Variants in COL21A1 observed in about 807,000 individuals in gnomAD.
COL21A1 encodes collagen type XXI alpha 1 chain.
A neutral mutation model predicts 137.9 loss-of-function variants in COL21A1; 149 were observed. That is an observed-to-expected ratio of 1.08 (90% CI 0.95 to 1.24). The LOEUF is 1.24. Among genes scored for constraint, COL21A1 ranks in the 50% most tolerant of loss-of-function variants. The pLI is 0.00. For missense variants in COL21A1, 1,167 were observed against 1,158.4 expected (o/e 1.01, Z -0.11); for synonymous variants, 456 against 391.5 (o/e 1.16, Z -1.95).
At chr6:56,229,374 A>T (rs908888332) in intron 1 of COL21A1, among the ~76,000 whole-genome samples, 1 of 151,998 alleles carries the variant, frequency 6.6e-6, no homozygotes, top group African/African-American at 2.4e-5. Flanking sequence ...TCTCAAAAAC[A>T]ACAGAATATG....
rs554083234 is a variant in COL21A1 at position 56,157,018 on chromosome 6, A to C, written c.1372-69T>G. ...CACATTGGTGCAGTCAGGATCAATA[A>C]AAGTTCAAAACCAATTCCATTATTT... On this transcript the variant is annotated intron_variant, in intron 9 of 29. Transcript: ENST00000244728. 3 of 1,077,164 alleles carry C rather than the reference A, an allele frequency of 2.8e-6. No homozygotes were observed. The African/African-American group carries it at 4.7e-5, about 17-fold the overall frequency. 66.7% of individuals were successfully genotyped at this position (1,077,164 alleles called of 1,614,324 possible).
chr6:56,232,046 ATGT>A (rs1312722580), intron 1 of COL21A1, among the ~76,000 whole-genome samples: 1 of 151,904 alleles, frequency 6.6e-6, no homozygotes, highest in Non-Finnish European at 1.5e-5. Flanking sequence ...CTACAGTCAA[ATGT>A]TGACTATCTG....
intron 1 of COL21A1, among the ~76,000 whole-genome samples, chr6:56,316,388 G>A (rs1764735175): frequency 6.7e-6 from 1 of 149,120 alleles, no homozygotes; most frequent in Admixed American, 6.7e-5. Flanking sequence ...GCATATCCTT[G>A]AACTGCCATG....
intron 1 of COL21A1, among the ~76,000 whole-genome samples, chr6:56,295,433 T>C (rs1764142462): frequency 6.6e-6 from 1 of 152,042 alleles, no homozygotes; most frequent in African/African-American, 2.4e-5. Flanking sequence ...CTGGGTCTTT[T>C]GACTTTTCAA....
chr6:56,098,012 AAT>A (rs1373833055), intron 17 of COL21A1, among the ~76,000 whole-genome samples: 2 of 34,896 alleles, frequency 5.7e-5, no homozygotes, highest in Non-Finnish European at 9.3e-5. Context: ...TAAATATATA[AAT>A]ATATATAAAT....
chr6:56,130,453 G>C (rs1773468357), intron 12 of COL21A1, among the ~76,000 whole-genome samples: 1 of 151,730 alleles, frequency 6.6e-6, no homozygotes, highest in South Asian at 2.1e-4. Flanking sequence ...ATGGAATTTA[G>C]CTGGGTAATG....
chr6:56,241,101 A>G (rs1168315456), intron 1 of COL21A1, among the ~76,000 whole-genome samples: 2 of 152,154 alleles, frequency 1.3e-5, no homozygotes, highest in African/African-American at 4.8e-5. Flanking sequence ...TGTTGCTATG[A>G]ACTGAAAGCT....
chr6:56,169,171 T>C (rs1776832329), intron 5 of COL21A1, among the ~76,000 whole-genome samples: 1 of 151,982 alleles, frequency 6.6e-6, no homozygotes, highest in Non-Finnish European at 1.5e-5. Context: ...TACCATAATT[T>C]AGGCTCATGG....
chr6:56,304,991 C>T (rs940378263), intron 1 of COL21A1, among the ~76,000 whole-genome samples: 28 of 152,192 alleles, frequency 1.8e-4, no homozygotes, highest in Non-Finnish European at 3.8e-4. Flanking sequence ...TCGTTATGTA[C>T]CCAGTAGTCA....
chr6:56,122,363 C>G (rs1412850165), intron 16 of COL21A1, among the ~76,000 whole-genome samples: 1 of 150,688 alleles, frequency 6.6e-6, no homozygotes. Flanking sequence ...CCCAGGCTGG[C>G]GTGCAGTGGC....
intron 1 of COL21A1, among the ~76,000 whole-genome samples, chr6:56,320,717 C>T (rs972303835): frequency 2.0e-5 from 3 of 152,154 alleles, no homozygotes; most frequent in Non-Finnish European, 4.4e-5. Context: ...TGTACCTTCA[C>T]ATCTTTCAGA....
At chr6:56,340,265 G>A (rs1043389072) in intron 1 of COL21A1, among the ~76,000 whole-genome samples, 1 of 152,100 alleles carries the variant, frequency 6.6e-6, no homozygotes, top group African/African-American at 2.4e-5. Context: ...ACAAGGCTGT[G>A]GTCTTTCTCC....
chr6:56,355,078 G>A (rs1041756155), intron 1 of COL21A1, among the ~76,000 whole-genome samples: 1 of 151,810 alleles, frequency 6.6e-6, no homozygotes, highest in Non-Finnish European at 1.5e-5. Context: ...AGATTATACT[G>A]GCTAATTAAC....
intron 1 of COL21A1, among the ~76,000 whole-genome samples, chr6:56,265,197 A>T (rs549979073): frequency 9.2e-5 from 14 of 152,236 alleles, no homozygotes; most frequent in Non-Finnish European, 2.1e-4. Context: ...TGAGTTTGCC[A>T]TGGGTCAAGT....
At position 56,171,055 on chromosome 6, in the gene COL21A1, A is replaced by T. The variant is rs199532612; in HGVS notation, c.714T>A (p.Asp238Glu). The T allele has an allele frequency of 1.3e-3, 2,047 of 1,610,150 alleles. 4 individuals carry two copies. Among genetic ancestry groups the T allele is most frequent in the Non-Finnish European group, 1.6e-3 (1,892 of 1,178,102 alleles). ...TTCTTTTCTTAACCTTTTTATTTAC[A>T]TCTAAACCTAAAAGAATATCAAATC... ...ERGFDILLGL[D>E]VNKKVKKRIQ... The change falls in exon 4 of 30, where the codon GAT (aspartate) becomes GAA (glutamate). Residue 238 changes from aspartate (D) to glutamate (E), a missense_variant. Coordinates refer to ENST00000244728, the MANE Select transcript of COL21A1 (RefSeq NM_030820.4).
chr6:56,147,650 G>C (rs940915379), intron 10 of COL21A1, among the ~76,000 whole-genome samples: 1 of 151,926 alleles, frequency 6.6e-6, no homozygotes, highest in African/African-American at 2.4e-5. Context: ...ACATTGGTGT[G>C]TATATATATA....
intron 12 of COL21A1, among the ~76,000 whole-genome samples, chr6:56,130,587 C>T (rs1773482199): frequency 6.6e-6 from 1 of 152,094 alleles, no homozygotes. Flanking sequence ...TCCAAACTTT[C>T]TTTTATTGGA....
In COL21A1 at chr6:56,339,433, G is replaced by A. The variant is rs566746395; in HGVS notation, c.-39+54538C>T. ...CTTTCAGAATTATTTTGTAGTTGTG[G>A]TTCTTGTTGGTATAATGAGGATTCA... On this transcript the variant is annotated intron_variant, in intron 1 of 28. Coordinates refer to the COL21A1 transcript ENST00000370819. Among the ~76,000 whole-genome samples, 17 of 152,256 alleles carry A rather than the reference G, an allele frequency of 1.1e-4. 1 individual carries two copies. In the South Asian group the frequency reaches 2.9e-3, roughly 26 times the overall value.
intron 1 of COL21A1, among the ~76,000 whole-genome samples, chr6:56,383,111 T>A (rs1057231891): frequency 1.3e-5 from 2 of 152,160 alleles, no homozygotes; most frequent in African/African-American, 4.8e-5. Context: ...ACTTAAACAA[T>A]AAGAATATAC....
Sources: allele counts gnomAD v4.1 joint callset (sites outside exome capture counted in the v4.1 genomes callset), GRCh38; gene constraint gnomAD v4.1.1; transcripts MANE v1.5; gene names NCBI Gene and HGNC (gene_info 2026-07-23, HGNC 2026-07-21).